The following PSMB5 variants were observed in gnomAD, a reference collection of about 807,000 sequenced individuals.
PSMB5 encodes the protein proteasome subunit beta type-5.
A neutral mutation model predicts 22.8 loss-of-function variants in PSMB5; 2 were observed. The ratio of observed to expected loss-of-function variants is 0.09; its 90% CI spans 0.04 to 0.28. PSMB5 has a LOEUF of 0.28. PSMB5 is among the 10% of genes least tolerant of loss of function. The pLI, the probability that PSMB5 is intolerant of heterozygous loss-of-function variation, is 1.00. For missense variants in PSMB5, 269 were observed against 343.8 expected, an observed-to-expected ratio of 0.78 and a Z score of 1.72; for synonymous variants, 133 against 135.3, an observed-to-expected ratio of 0.98 and a Z score of 0.12.
rs377286048 is a variant in PSMB5, at chr14:23,026,165, C to T, written c.716G>A (p.Arg239Gln). The T allele has an allele frequency of 5.3e-5, 85 of 1,614,142 alleles. No individual in the cohort carries two copies. The highest frequency in any genetic ancestry group is 3.5e-4 in the African/African-American group (26 of 75,024). Residue 239 changes from arginine (R) to glutamine (Q), a missense_variant, in exon 3 of 3, where the codon CGG becomes CAG. Around this residue, in one of 3 missense-constraint regions of PSMB5, gnomAD observed 113 missense variants for 130.2 expected, o/e 0.87. Coordinates refer to ENST00000361611, the MANE Select transcript of PSMB5 (RefSeq NM_002797.5). Reference sequence around the variant, plus strand: ...GGAGACTCGGATCCAGCCATCCTCCCGCACGTGGTAGAGGTTGACTGCACC... The same window carrying T: ...GGAGACTCGGATCCAGCCATCCTCCTGCACGTGGTAGAGGTTGACTGCACC... ...SGGAVNLYHV[R>Q]EDGWIRVSSD...
At position 23,034,758 on chromosome 14, in the gene PSMB5, C is replaced by T. The variant is rs2139924438; in HGVS notation, c.124G>A (p.Ala42Thr). Residue 42 changes from alanine to threonine, a missense_variant, in exon 1 of 3, where the codon GCC becomes ACC. By Grantham distance (58) the Ala-to-Thr change is moderately conservative. Coordinates refer to ENST00000361611, the MANE Select transcript of PSMB5 (RefSeq NM_002797.5). ...PGSLSDGLSL[A>T]APGWGVPEEP... ...TCTGGGACACCCCAGCCTGGCGCGG[C>T]CAGGCTCAGACCATCACTGAGACTC... 3.7e-6 allele frequency: 6 copies of T among 1,614,186 alleles called. No individual in the cohort carries two copies. The highest frequency in any genetic ancestry group is 5.1e-6 in the Non-Finnish European group (6 of 1,180,026).
intron 2 of PSMB5, among the ~76,000 whole-genome samples, chr14:23,029,824 C>T: frequency 6.6e-6 from 1 of 151,910 alleles, no homozygotes; most frequent in South Asian, 2.1e-4. Context: ...CTCTGTTGCC[C>T]AGTCTGGAGT....
intron 2 of PSMB5, 122 bp downstream of exon 2, chr14:23,033,246 A>C (rs553143705): frequency 4.4e-5 from 45 of 1,016,886 alleles, no homozygotes; most frequent in Non-Finnish European, 6.2e-5. Flanking sequence ...GAGAGAAGGA[A>C]GGGCTAAGGA....
intron 2 of PSMB5, among the ~76,000 whole-genome samples, chr14:23,027,046 C>A (rs191264058): frequency 6.6e-6 from 1 of 150,418 alleles, no homozygotes; most frequent in Admixed American, 6.6e-5. Flanking sequence ...CGCGCCATTG[C>A]ACTCCAGCCT....
chr14:23,027,648 C>T, intron 2 of PSMB5: 2 of 860,136 alleles, frequency 2.3e-6, no homozygotes, highest in Non-Finnish European at 1.8e-6. Context: ...ATGCTGTCTT[C>T]AGGAAAAAAA....
At chr14:23,027,244 G>T (rs2046921518) in intron 2 of PSMB5, among the ~76,000 whole-genome samples, 1 of 151,084 alleles carries the variant, frequency 6.6e-6, no homozygotes, top group Non-Finnish European at 1.5e-5. Flanking sequence ...AGCCAGGTGT[G>T]GTTGCGGTCG....
At position 23,033,618 on chromosome 14, in the gene PSMB5, A is replaced by G; in HGVS notation, c.255T>C (p.Ile85=). Residue 85 remains isoleucine (I), a synonymous_variant, in exon 2 of 3, where the codon ATT becomes ATC. Transcript: ENST00000361611. ...ADSRATAGAY[I]ASQTVKKVIE... ...TCACCTTCTTCACCGTCTGGGAGGCAATGTAAGCACCCGCTGTAGCCCTGG... is the reference window on the plus strand; with the variant it reads ...TCACCTTCTTCACCGTCTGGGAGGCGATGTAAGCACCCGCTGTAGCCCTGG... 1.2e-6 allele frequency: 2 copies of G among 1,613,764 alleles called. No homozygotes were observed. Among genetic ancestry groups the G allele is most frequent in the Non-Finnish European group, 1.7e-6 (2 of 1,179,690 alleles).
intron 1 of PSMB5, 95 bp downstream of exon 1, chr14:23,034,589 G>T: frequency 7.0e-7 from 1 of 1,436,930 alleles, no homozygotes; most frequent in Non-Finnish European, 9.4e-7. Context: ...CGCCTGGGTT[G>T]GTGGCCAAGG....
chr14:23,026,306 A>G lies in PSMB5; in HGVS notation c.575T>C (p.Val192Ala), dbSNP rs2139910135. 1.9e-6 allele frequency: 3 copies of G among 1,614,034 alleles called. No homozygotes were observed. The highest frequency in any genetic ancestry group is 1.7e-6 in the Non-Finnish European group (2 of 1,179,992). ...CCGATCCATGACCCCATATGCATACACAGAGCCAGAACCTACAGAGAAGGT... is the reference window on the plus strand; with the variant it reads ...CCGATCCATGACCCCATATGCATACGCAGAGCCAGAACCTACAGAGAAGGT... ...GATFSVGSGS[V>A]YAYGVMDRGY... Residue 192 changes from valine (V) to alanine (A), a missense_variant, in exon 3 of 3, where the codon GTG becomes GCG. Physicochemically the swap from Val to Ala is moderately conservative, Grantham distance 64 (BLOSUM62 0). This residue lies in a region of PSMB5 where 113 missense variants were observed against 130.2 expected (regional missense o/e 0.87). Transcript: ENST00000361611.
rs143440181 is a variant in PSMB5 at position 23,032,605 on chromosome 14, G to GTT, written c.505+761_505+762dup. ...TGGGATTCAACGAATTCTTTTTTTT[G>GTT]TTTTTTTTTTTGAGACAGAGTCTCG... On this transcript the variant is annotated intron_variant, in intron 2 of 2. Transcript: ENST00000361611. 7.9e-3 allele frequency among the ~76,000 whole-genome samples: 1,149 copies of GTT among 145,614 alleles called. 16 individuals carry two copies. The highest frequency in any genetic ancestry group is 0.028 in the African/African-American group (1,106 of 39,882).
chr14:23,027,876 G>C, intron 2 of PSMB5: 1 of 1,424,662 alleles, frequency 7.0e-7, no homozygotes, highest in South Asian at 1.2e-5. Context: ...AGGCGCAGTG[G>C]CTCAAACCCG....
intron 2 of PSMB5, among the ~76,000 whole-genome samples, chr14:23,030,247 T>G (rs1289237407): frequency 6.8e-6 from 1 of 146,958 alleles, no homozygotes; most frequent in Non-Finnish European, 1.5e-5. Flanking sequence ...CCCAGCACTT[T>G]GGGAGGCCGA....
In PSMB5 at chr14:23,034,853, G is replaced by C. The variant is rs764303754; in HGVS notation, c.29C>G (p.Pro10Arg). The C allele has an allele frequency of 6.2e-7, 1 of 1,614,194 alleles. No individual in the cohort carries two copies. Among genetic ancestry groups the C allele is most frequent in the East Asian group, 2.2e-5 (1 of 44,882 alleles). ...AAACCCGCGCTGGTTCACCGGTAGC[G>C]GTCTCTCCAACACGCTGGCAAGCGC... MALASVLER[P>R]LPVNQRGFFG... The change falls in exon 1 of 3, where the codon CCG becomes CGG. Residue 10 changes from proline (P) to arginine (R), a missense_variant. This residue lies in a region of PSMB5 where 81 missense variants were observed against 70.4 expected (regional missense o/e 1.15). Coordinates refer to ENST00000361611, the MANE Select transcript of PSMB5 (RefSeq NM_002797.5).
rs1037146924 is a variant in PSMB5 at position 23,030,489 on chromosome 14, A to C, written c.505+2879T>G. On this transcript the variant is annotated intron_variant, in intron 2 of 2. Coordinates refer to ENST00000361611, the MANE Select transcript of PSMB5 (RefSeq NM_002797.5). ...GGGCGACAGAGCGAGACTCCGTCTC[A>C]ATAAAAAAAAAAAAAGGTTATTTAT... Among the ~76,000 whole-genome samples the C allele has an allele frequency of 2.0e-5, 3 of 151,840 alleles. No homozygotes were observed. In the East Asian group the frequency reaches 5.9e-4, roughly 30 times the overall value.
In PSMB5 at chr14:23,026,342, A is replaced by G; in HGVS notation, c.539T>C (p.Ile180Thr). 1 of 1,614,084 alleles carries G rather than the reference A, an allele frequency of 6.2e-7. No individual in the cohort carries two copies. Among genetic ancestry groups the G allele is most frequent in the Non-Finnish European group, 8.5e-7 (1 of 1,180,014 alleles). Residue 180 changes from isoleucine to threonine, a missense_variant, in exon 3 of 3, where the codon ATT becomes ACT. Transcript: ENST00000361611. ...ACCTACAGAGAAGGTGGCCCCTGAA[A>G]TCCGGTTCCCTTCACTGTCCACGTA... ...LYYVDSEGNR[I>T]SGATFSVGSG...
chr14:23,032,013 TG>T (rs1202179053), intron 2 of PSMB5, among the ~76,000 whole-genome samples: 3 of 151,294 alleles, frequency 2.0e-5, no homozygotes, highest in African/African-American at 7.3e-5. Context: ...CACTTGAACC[TG>T]GGAGGCAGAG....
intron 2 of PSMB5, among the ~76,000 whole-genome samples, chr14:23,026,804 C>T (rs183875970): frequency 1.3e-4 from 19 of 149,470 alleles, no homozygotes; most frequent in East Asian, 2.1e-4. Flanking sequence ...AAAAATAGGC[C>T]GGGCGCGGTG....
chr14:23,035,039 G>T (rs2046982011), upstream of PSMB5: 2 of 1,388,342 alleles, frequency 1.4e-6, no homozygotes, highest in Middle Eastern at 2.6e-4. Context: ...AGCCAGATGC[G>T]AAAGACCATT....
chr14:23,026,401 G>GAAAAAAAAA, intron 2 of PSMB5, 26 bp from the exon 3 acceptor site: 1 of 1,193,886 alleles, frequency 8.4e-7, no homozygotes, highest in Non-Finnish European at 1.1e-6. Context: ...AGGTTAGCAG[G>GAAAAAAAAA]AAAAAAAAAA....
Sources: allele counts gnomAD v4.1 joint callset (sites outside exome capture counted in the v4.1 genomes callset), GRCh38; gene constraint gnomAD v4.1.1; regional missense constraint gnomAD v4.1.1; transcripts MANE v1.5; gene names NCBI Gene and HGNC (gene_info 2026-07-23, HGNC 2026-07-21).